The following CACNA1C variants were observed in gnomAD, a reference collection of about 807,000 sequenced individuals.
CACNA1C encodes voltage-dependent L-type calcium channel subunit alpha-1C.
CACNA1C carries 30 observed loss-of-function variants against 229.0 expected under a neutral mutation model. The observed-to-expected ratio is 0.13, with a 90% CI of 0.10 to 0.18. The LOEUF (loss-of-function observed/expected upper bound fraction) is 0.18, where lower values mean the gene tolerates loss of function less well. CACNA1C is among the 10% of genes least tolerant of loss of function. The pLI, the probability that CACNA1C is intolerant of heterozygous loss-of-function variation, is 1.00. For missense variants in CACNA1C, 1,658 were observed against 2,845.0 expected, an observed-to-expected ratio of 0.58 and a Z score of 9.49; for synonymous variants, 1,114 against 1,132.5, an observed-to-expected ratio of 0.98 and a Z score of 0.33.
chr12:2,610,794 G>A (rs978779753), intron 28 of CACNA1C, 95 bp downstream of exon 28: 34 of 1,252,280 alleles, frequency 2.7e-5, no homozygotes, highest in Middle Eastern at 1.9e-4. Context: ...TCAGTGCATC[G>A]CTTTCCTGGT....
chr12:2,209,935 C>T (rs1356519591), intron 3 of CACNA1C, among the ~76,000 whole-genome samples: 1 of 152,130 alleles, frequency 6.6e-6, no homozygotes, highest in Non-Finnish European at 1.5e-5. Flanking sequence ...ATAAGTGGCT[C>T]ATATCAGAGA....
At chr12:2,279,144 T>A (rs554211496) in intron 3 of CACNA1C, among the ~76,000 whole-genome samples, 3 of 152,346 alleles carry the variant, frequency 2.0e-5, no homozygotes, top group African/African-American at 4.8e-5. Flanking sequence ...AAGTTTTTTT[T>A]AAAATCAGAT....
At chr12:2,277,547 G>C (rs1566836740) in intron 3 of CACNA1C, among the ~76,000 whole-genome samples, 1 of 152,116 alleles carries the variant, frequency 6.6e-6, no homozygotes, top group Non-Finnish European at 1.5e-5. Context: ...ATCTAAGGAG[G>C]CTTCAGGCAG....
Position 2,669,209 on chromosome 12 carries a change from G to C in CACNA1C, c.4726+174G>C, listed in dbSNP as rs1045282871. ...CATCGCAGGGCCCCAGCCTGCTCAT[G>C]ACTTCTTTGCTCCTGAATGGTCTCC... On this transcript the variant is annotated intron_variant, in intron 38 of 46. Transcript: ENST00000399655. Among the ~76,000 whole-genome samples the C allele has an allele frequency of 2.6e-5, 4 of 152,166 alleles. No homozygotes were observed. The East Asian group carries it at 5.8e-4, about 22-fold the overall frequency.
intron 13 of CACNA1C, among the ~76,000 whole-genome samples, chr12:2,569,558 T>A (rs2053224538): frequency 6.6e-6 from 1 of 152,230 alleles, no homozygotes; most frequent in African/African-American, 2.4e-5. Context: ...TATGTGTTTT[T>A]GTGATGGCCT....
chr12:2,569,058 C>T (rs1331938282), intron 13 of CACNA1C, among the ~76,000 whole-genome samples: 1 of 152,162 alleles, frequency 6.6e-6, no homozygotes, highest in Non-Finnish European at 1.5e-5. Context: ...GATCTAGCCA[C>T]TGTAAAGGGC....
intron 3 of CACNA1C, among the ~76,000 whole-genome samples, chr12:2,369,239 A>T (rs2097790538): frequency 6.6e-6 from 1 of 152,188 alleles, no homozygotes; most frequent in Non-Finnish European, 1.5e-5. Flanking sequence ...TGTATGGTAA[A>T]AATAACTTTA....
Position 2,070,298 on chromosome 12 carries a change from G to A in CACNA1C, c.49+16687G>A, listed in dbSNP as rs375542270. 2.3e-4 allele frequency among the ~76,000 whole-genome samples: 35 copies of A among 152,280 alleles called. No individual in the cohort carries two copies. The East Asian group carries it at 2.9e-3, about 13-fold the overall frequency. Reference sequence around the variant, plus strand: ...GAAACTACTGAGAGAGTCTTAAATCGGGGATGCTTTATCTTACTTGTGGTA... The same window carrying A: ...GAAACTACTGAGAGAGTCTTAAATCAGGGATGCTTTATCTTACTTGTGGTA... On this transcript the variant is annotated intron_variant, in intron 1 of 46. Coordinates refer to ENST00000399655, the MANE Select transcript of CACNA1C (RefSeq NM_000719.7).
intron 3 of CACNA1C, among the ~76,000 whole-genome samples, chr12:2,147,671 G>A (rs533193221): frequency 1.3e-5 from 2 of 150,014 alleles, no homozygotes; most frequent in African/African-American, 4.9e-5. Flanking sequence ...TATATCTGAG[G>A]ATAAAATGTA....
chr12:2,499,342 G>A (rs931515547), intron 7 of CACNA1C, among the ~76,000 whole-genome samples: 5 of 152,030 alleles, frequency 3.3e-5, no homozygotes, highest in Admixed American at 6.5e-5. Flanking sequence ...CCTCTCTCTC[G>A]ACATTTGCTG....
intron 3 of CACNA1C, among the ~76,000 whole-genome samples, chr12:2,165,712 C>T (rs1231706905): frequency 6.6e-6 from 1 of 151,748 alleles, no homozygotes. Context: ...CAAGCAACTT[C>T]TGGACAGAGT....
chr12:2,538,973 C>T (rs1393857407), intron 9 of CACNA1C, among the ~76,000 whole-genome samples: 3 of 152,190 alleles, frequency 2.0e-5, no homozygotes, highest in South Asian at 2.1e-4. Context: ...AGCAGTCCAG[C>T]CTGCAAATGT....
intron 1 of CACNA1C, among the ~76,000 whole-genome samples, chr12:2,059,767 T>G (rs1327548720): frequency 2.6e-5 from 4 of 152,162 alleles, no homozygotes; most frequent in Admixed American, 2.6e-4. Context: ...CAGAGGCCCC[T>G]AAAGGTTCAT....
At chr12:2,491,807 A>C (rs958591257) in intron 6 of CACNA1C, among the ~76,000 whole-genome samples, 2 of 152,222 alleles carry the variant, frequency 1.3e-5, no homozygotes, top group African/African-American at 4.8e-5. Context: ...TTCAGATTTA[A>C]AGCCACCGAC....
chr12:2,683,213 A>G (rs977367810), intron 43 of CACNA1C, among the ~76,000 whole-genome samples: 2 of 152,174 alleles, frequency 1.3e-5, no homozygotes, highest in African/African-American at 4.8e-5. Context: ...TTGGTCACTA[A>G]TGACTAGCCC....
chr12:2,004,748 T>G, intron 1 of CACNA1C: 1 of 360,058 alleles, frequency 2.8e-6, no homozygotes, highest in Non-Finnish European at 5.1e-6. Context: ...TAGGATTTCC[T>G]TCTTGGATGT....
Position 2,601,997 on chromosome 12 carries a change from A to C in CACNA1C, c.2960+37A>C. The C allele has an allele frequency of 7.3e-7, 1 of 1,369,270 alleles. No individual in the cohort carries two copies. The highest frequency in any genetic ancestry group is 1.2e-5 in the South Asian group (1 of 86,184). 84.8% of individuals were successfully genotyped at this position (1,369,270 alleles called of 1,614,324 possible). A position where few individuals can be genotyped will look rare whatever the true frequency, so the allele number is the denominator to read the frequency against. On this transcript the variant is annotated intron_variant, in intron 22 of 46. Transcript: ENST00000399655. The surrounding 1 kb of genome is among the most constrained non-coding windows in gnomAD (Gnocchi z 5.9). ...CCCCTCAGCCCACGATGGGCCATGCAGCTAGCAAGGGGTGCCAGAGAGGAC... is the reference window on the plus strand; with the variant it reads ...CCCCTCAGCCCACGATGGGCCATGCCGCTAGCAAGGGGTGCCAGAGAGGAC...
rs1479670972 is a variant in CACNA1C, at chr12:2,666,277, A to G, written c.4527-409A>G. Among the ~76,000 whole-genome samples the G allele has an allele frequency of 2.0e-5, 3 of 152,066 alleles. No homozygotes were observed. The highest frequency in any genetic ancestry group is 4.4e-5 in the Non-Finnish European group (3 of 68,016). On this transcript the variant is annotated intron_variant, in intron 36 of 46. Coordinates refer to ENST00000399655, the MANE Select transcript of CACNA1C (RefSeq NM_000719.7). The surrounding 1 kb of genome is among the most constrained non-coding windows in gnomAD (Gnocchi z 5.3). ...TATCAGGAATAACTAGTAAGTGCTC[A>G]AGTTAGGATAGGTAGGGCCGGGGAA...
chr12:2,161,486 G>A (rs1193050344), intron 3 of CACNA1C, among the ~76,000 whole-genome samples: 1 of 152,148 alleles, frequency 6.6e-6, no homozygotes. Context: ...CAGGGGCCCC[G>A]CCTGTCACCT....
Sources: allele counts gnomAD v4.1 joint callset (sites outside exome capture counted in the v4.1 genomes callset), GRCh38; gene constraint gnomAD v4.1.1; non-coding constraint Gnocchi (gnomAD v3.1); transcripts MANE v1.5; gene names NCBI Gene and HGNC (gene_info 2026-07-23, HGNC 2026-07-21).